The following BAHCC1 variants were observed in gnomAD, a reference collection of about 807,000 sequenced individuals.
BAHCC1 encodes BAH domain and coiled-coil containing 1.
Under a neutral mutation model 88.2 loss-of-function variants are expected in BAHCC1, and 43 were observed. That is an observed-to-expected ratio of 0.49 (90% CI 0.38 to 0.63). The LOEUF (loss-of-function observed/expected upper bound fraction) is 0.63. Ranked by LOEUF, BAHCC1 falls within the 20% of genes least tolerant of loss-of-function variation. The pLI is 0.00. For synonymous variants in BAHCC1, 1,510 were observed against 745.5 expected, an observed-to-expected ratio of 2.03 and a Z score of -16.71; for missense variants, 3,023 against 1,654.8, an observed-to-expected ratio of 1.83 and a Z score of -14.34.
At chr17:81,462,589 G>A (rs1219642620) in intron 26 of BAHCC1, 151 bp from the exon 27 acceptor site, 10 of 593,426 alleles carry the variant, frequency 1.7e-5, no homozygotes, top group East Asian at 8.4e-5. Flanking sequence ...CTTAAGCCGC[G>A]GTGCTGCGGC....
rs2030585139 is a variant in BAHCC1, at chr17:81,464,761, T to A, written c.*944T>A. On this transcript the variant is annotated 3_prime_UTR_variant, in exon 28 of 28. Transcript: ENST00000675386. The stretch of plus-strand genomic sequence containing the variant: ...TCTGATTTCTGTTTCCGGGGCCAGT[T>A]GGTCTGAGGCCAAGGAGTCTGGCCT... The A allele has an allele frequency of 6.6e-6, 1 of 152,462 alleles. No individual in the cohort carries two copies. Among genetic ancestry groups the A allele is most frequent in the Admixed American group, 6.5e-5 (1 of 15,284 alleles). The allele number at this position is 152,462 out of a possible 1,614,324, so 9.4% of individuals were successfully genotyped here. A position where few individuals can be genotyped will look rare whatever the true frequency, so the allele number is the denominator to read the frequency against.
Position 81,411,288 on chromosome 17 carries a change from C to A in BAHCC1, c.178+11371C>A. 2.2e-6 allele frequency: 1 copy of A among 447,170 alleles called. No homozygotes were observed. Among genetic ancestry groups the A allele is most frequent in the African/African-American group, 2.0e-5 (1 of 50,182 alleles). 27.7% of individuals were successfully genotyped at this position (447,170 alleles called of 1,614,324 possible). On this transcript the variant is annotated intron_variant, in intron 2 of 27. Transcript: ENST00000675386. The surrounding 1 kb of genome is among the most constrained non-coding windows in gnomAD (Gnocchi z 6.2). ...CTCGGCAGCTCCCAAACCCTGACCC[C>A]AGACAGGCAGCAGGAGCTGGACGTG...
intron 6 of BAHCC1, 134 bp from the exon 7 acceptor site, chr17:81,444,247 T>C: frequency 1.7e-6 from 1 of 598,672 alleles, no homozygotes; most frequent in Non-Finnish European, 2.9e-6. Flanking sequence ...TGGCAGGGGG[T>C]GGGACAGGGA....
intron 2 of BAHCC1, among the ~76,000 whole-genome samples, chr17:81,403,413 G>A (rs1398991089): frequency 2.0e-5 from 3 of 151,888 alleles, no homozygotes; most frequent in East Asian, 3.9e-4. Context: ...AAAGGCGAAG[G>A]CTCCTTCTGG....
At position 81,447,095 on chromosome 17, in the gene BAHCC1, G is replaced by A. The variant is rs375713149; in HGVS notation, c.3223G>A (p.Val1075Met). The change falls in exon 11 of 28, where the codon GTG becomes ATG. Residue 1075 changes from valine to methionine, a missense_variant. Transcript: ENST00000675386. Reference sequence around the variant, plus strand: ...CCTGGGCTTCTCCCTACCCTCAGACGTGCACTCTTCTAACCTCGAGGACCC... The same window carrying A: ...CCTGGGCTTCTCCCTACCCTCAGACATGCACTCTTCTAACCTCGAGGACCC... ...AGLGFSLPSD[V>M]HSSNLEDPET... 20 of 779,184 alleles carry A rather than the reference G, an allele frequency of 2.6e-5. No individual in the cohort carries two copies. The highest frequency in any genetic ancestry group is 5.1e-5 in the African/African-American group (3 of 59,106). 48.3% of individuals were successfully genotyped at this position (779,184 alleles called of 1,614,324 possible).
chr17:81,435,430 G>A lies in BAHCC1; in HGVS notation c.359-2940G>A, dbSNP rs1555651582. On this transcript the variant is annotated intron_variant, in intron 3 of 27. Coordinates refer to ENST00000675386, the MANE Select transcript of BAHCC1 (RefSeq NM_001377448.1). The surrounding 1 kb of genome is among the most constrained non-coding windows in gnomAD (Gnocchi z 4.4). ...CACTGCCCCCAGGGCTCTTCCCCAC[G>A]CTCCACCAGGCTCCGAGGGCACCAG... 7 of 469,944 alleles carry A rather than the reference G, an allele frequency of 1.5e-5. No homozygotes were observed. In the East Asian group the frequency reaches 2.1e-4, roughly 14 times the overall value. 29.1% of individuals were successfully genotyped at this position (469,944 alleles called of 1,614,324 possible).
In BAHCC1 at chr17:81,463,966, T is replaced by C; in HGVS notation, c.*149T>C. ...AAGCCCACAGGGCAAGACCCAGGCT[T>C]TCTTACGGTTTTCCCTGGAAAGAGC... On this transcript the variant is annotated 3_prime_UTR_variant, in exon 28 of 28. Coordinates refer to ENST00000675386, the MANE Select transcript of BAHCC1 (RefSeq NM_001377448.1). 1 of 616,610 alleles carries C rather than the reference T, an allele frequency of 1.6e-6. No homozygotes were observed. The highest frequency in any genetic ancestry group is 2.9e-6 in the Non-Finnish European group (1 of 344,686). 38.2% of individuals were successfully genotyped at this position (616,610 alleles called of 1,614,324 possible). A position where few individuals can be genotyped will look rare whatever the true frequency, so the allele number is the denominator to read the frequency against.
chr17:81,406,392 G>C (rs1481125600), intron 2 of BAHCC1, among the ~76,000 whole-genome samples: 1 of 152,212 alleles, frequency 6.6e-6, no homozygotes, highest in Non-Finnish European at 1.5e-5. Context: ...GCCCACCTGG[G>C]AACGGCTTCC....
chr17:81,454,209 G>A lies in BAHCC1; in HGVS notation c.4446-1058G>A, dbSNP rs573082630. Among the ~76,000 whole-genome samples, 79 of 152,352 alleles carry A rather than the reference G, an allele frequency of 5.2e-4. 1 individual carries two copies. The highest frequency in any genetic ancestry group is 9.8e-4 in the Admixed American group (15 of 15,302). On this transcript the variant is annotated intron_variant, in intron 14 of 27. Coordinates refer to ENST00000675386, the MANE Select transcript of BAHCC1 (RefSeq NM_001377448.1). ...GGGGCAGTGGGAGGTTCTGGGGAGGGTGGGTCACCCACACAAGAGGGGGAG... is the reference window on the plus strand; with the variant it reads ...GGGGCAGTGGGAGGTTCTGGGGAGGATGGGTCACCCACACAAGAGGGGGAG...
In BAHCC1 at chr17:81,404,713, A is replaced by G. The variant is rs143115398; in HGVS notation, c.178+4796A>G. Among the ~76,000 whole-genome samples the G allele has an allele frequency of 4.9e-4, 74 of 152,360 alleles. 2 individuals are homozygous for G. The highest frequency in any genetic ancestry group is 1.6e-3 in the African/African-American group (67 of 41,568). On this transcript the variant is annotated intron_variant, in intron 2 of 27. Transcript: ENST00000675386. ...GATAGGATGTTCGCTGTCAACTTAC[A>G]TATGTCATCAGAGCTGGCTGTGAGC...
intron 14 of BAHCC1, 93 bp from the exon 15 acceptor site, chr17:81,455,174 C>T: frequency 3.0e-6 from 2 of 659,934 alleles, no homozygotes; most frequent in South Asian, 1.6e-5. Context: ...AGGAGGGTGA[C>T]CCACAGTGTG....
intron 3 of BAHCC1, among the ~76,000 whole-genome samples, chr17:81,433,756 C>T (rs1016558121): frequency 1.3e-5 from 2 of 152,152 alleles, no homozygotes; most frequent in Non-Finnish European, 2.9e-5. Flanking sequence ...ACCGAGGTCC[C>T]CGTGTGCTCA....
intron 2 of BAHCC1, chr17:81,422,925 A>G: frequency 3.3e-6 from 1 of 304,744 alleles, no homozygotes; most frequent in South Asian, 2.4e-5. Flanking sequence ...CACTCACCCC[A>G]CAGGCATGCC....
intron 2 of BAHCC1, among the ~76,000 whole-genome samples, chr17:81,418,796 C>CGTGTGTGCGTGTGCGCGCAT (rs1555649106): frequency 3.5e-5 from 5 of 144,918 alleles, no homozygotes; most frequent in South Asian, 4.3e-4. Context: ...TACGTGTGTG[C>CGTGTGTGCGTGTGCGCGCAT]GTGTGTGTGT....
chr17:81,427,014 G>A (rs1438004550), intron 3 of BAHCC1, 35 bp downstream of exon 3: 1 of 398,514 alleles, frequency 2.5e-6, no homozygotes, highest in East Asian at 3.6e-5. Flanking sequence ...GCGACACCCT[G>A]GTGGCCAAGA....
At position 81,462,856 on chromosome 17, in the gene BAHCC1, C is replaced by T. The variant is rs1555659900; in HGVS notation, c.7500C>T (p.Leu2500=). 5 of 782,482 alleles carry T rather than the reference C, an allele frequency of 6.4e-6. 1 individual carries two copies. The highest frequency in any genetic ancestry group is 1.2e-5 in the Non-Finnish European group (5 of 419,718). The allele number at this position is 782,482 out of a possible 1,614,324, so 48.5% of individuals were successfully genotyped here. The stretch of plus-strand genomic sequence containing the variant: ...TCCTGTCAGCTGGGCGGCCCAACCT[C>T]CCCTACATCGGCCGCATCGAGAGCA... ...AVFLSAGRPN[L]PYIGRIESMW... Residue 2500 remains leucine (L), a synonymous_variant, in exon 27 of 28, where the codon CTC becomes CTT. Coordinates refer to ENST00000675386, the MANE Select transcript of BAHCC1 (RefSeq NM_001377448.1).
intron 2 of BAHCC1, chr17:81,402,008 C>T (rs2063822914): frequency 6.6e-6 from 1 of 152,406 alleles, no homozygotes; most frequent in East Asian, 1.9e-4. Flanking sequence ...GTGTAGGCCC[C>T]GGAGGGCTGT....
chr17:81,427,727 C>T (rs1598474249), intron 3 of BAHCC1, among the ~76,000 whole-genome samples: 1 of 152,196 alleles, frequency 6.6e-6, no homozygotes, highest in Non-Finnish European at 1.5e-5. Flanking sequence ...GTTAAGCTCC[C>T]CCCGCCCCCC....
intron 2 of BAHCC1, among the ~76,000 whole-genome samples, chr17:81,417,119 G>A (rs373982965): frequency 2.0e-5 from 3 of 152,156 alleles, no homozygotes; most frequent in Non-Finnish European, 4.4e-5. Flanking sequence ...GCAGGGACCC[G>A]AGGGCCAGGG....
Sources: gnomAD v4.1 joint callset for allele counts (sites outside exome capture counted in the v4.1 genomes callset) on GRCh38, gnomAD v4.1.1 for gene constraint, Gnocchi (gnomAD v3.1) non-coding constraint, MANE v1.5 for transcripts, NCBI Gene and HGNC (gene_info 2026-07-23, HGNC 2026-07-21) for gene names.